STUM: variants seen among roughly 807,000 people sequenced by gnomAD.
STUM encodes the protein protein stum homolog.
A neutral mutation model predicts 15.3 loss-of-function variants in STUM; 8 were observed. The observed-to-expected ratio is 0.52, with a 90% CI of 0.31 to 0.94. STUM has a LOEUF of 0.94. Ranked by LOEUF, STUM falls within the 40% of genes least tolerant of loss-of-function variation. STUM has a pLI of 0.05. For synonymous variants in STUM, 78 were observed against 88.7 expected (o/e 0.88, Z 0.68); for missense variants, 142 against 204.9 (o/e 0.69, Z 1.87).
chr1:226,593,987 A>G (rs1330190570), intron 1 of STUM, among the ~76,000 whole-genome samples: 3 of 152,196 alleles, frequency 2.0e-5, no homozygotes, highest in Admixed American at 1.3e-4. Flanking sequence ...TTTGAATGCC[A>G]CAGGCCACCT....
At chr1:226,593,467 A>G (rs1378742066) in intron 1 of STUM, among the ~76,000 whole-genome samples, 1 of 151,970 alleles carries the variant, frequency 6.6e-6, no homozygotes, top group Non-Finnish European at 1.5e-5. Flanking sequence ...CAGCTCCATC[A>G]CTTTTACCCT....
chr1:226,598,362 C>T (rs1303755295), intron 2 of STUM, among the ~76,000 whole-genome samples: 1 of 152,146 alleles, frequency 6.6e-6, no homozygotes, highest in Non-Finnish European at 1.5e-5. Flanking sequence ...CTTACTGGCT[C>T]ATCTTCTCTC....
At chr1:226,590,447 G>A (rs535853154) in intron 1 of STUM, among the ~76,000 whole-genome samples, 21 of 152,100 alleles carry the variant, frequency 1.4e-4, no homozygotes, top group Non-Finnish European at 2.6e-4. Context: ...CCTGTTTCTG[G>A]GACGCCCTCC....
At chr1:226,551,615 G>A (rs987420095) in intron 1 of STUM, among the ~76,000 whole-genome samples, 3 of 152,258 alleles carry the variant, frequency 2.0e-5, no homozygotes, top group African/African-American at 7.2e-5. Context: ...ATTCATGGCT[G>A]ATTCTGCTCT....
At chr1:226,556,109 A>G (rs1195843149) in intron 1 of STUM, among the ~76,000 whole-genome samples, 2 of 152,198 alleles carry the variant, frequency 1.3e-5, no homozygotes, top group African/African-American at 4.8e-5. Flanking sequence ...TTTGAAGTGG[A>G]TGTGTTAACA....
rs41307712 is a variant in STUM at position 226,605,753 on chromosome 1, C to T, written c.*3713C>T. ...GCCTCCACCCTGCCCCACAAGGCTC[C>T]GTACTCCCACCTGCCTGGGCAGCCC... On this transcript the variant is annotated 3_prime_UTR_variant, in exon 4 of 4. Coordinates refer to ENST00000366788, the MANE Select transcript of STUM (RefSeq NM_001003665.4). This position sits in a 1 kb window ranked among gnomAD's most constrained non-coding sequence, Gnocchi z 4.0. 5,468 of 152,566 alleles carry T rather than the reference C, an allele frequency of 0.036. 145 individuals are homozygous for T. The highest frequency in any genetic ancestry group is 0.093 in the Middle Eastern group (28 of 300). The allele number at this position is 152,566 out of a possible 1,614,324, so 9.5% of individuals were successfully genotyped here. A position where few individuals can be genotyped will look rare whatever the true frequency, so the allele number is the denominator to read the frequency against.
intron 1 of STUM, among the ~76,000 whole-genome samples, chr1:226,592,295 G>T (rs982336703): frequency 6.6e-6 from 1 of 152,194 alleles, no homozygotes; most frequent in Non-Finnish European, 1.5e-5. Context: ...TGATCCACCT[G>T]CCATGGCCTC....
chr1:226,581,305 C>T (rs536408865), intron 1 of STUM, among the ~76,000 whole-genome samples: 1 of 152,330 alleles, frequency 6.6e-6, no homozygotes, highest in South Asian at 2.1e-4. Flanking sequence ...ACTCACTGGG[C>T]AATGAATATT....
intron 1 of STUM, among the ~76,000 whole-genome samples, chr1:226,558,831 T>C (rs1667492523): frequency 6.6e-6 from 1 of 152,212 alleles, no homozygotes; most frequent in Non-Finnish European, 1.5e-5. Flanking sequence ...ACATACTTGG[T>C]GGTGGTTTAT....
At chr1:226,550,213 C>G (rs1215647417) in intron 1 of STUM, among the ~76,000 whole-genome samples, 1 of 152,196 alleles carries the variant, frequency 6.6e-6, no homozygotes, top group East Asian at 1.9e-4. Flanking sequence ...ACGGTCTCCT[C>G]GCTCTTCGCC....
rs1020107258 is a variant in STUM, at chr1:226,600,406, T to G, written c.383-260T>G. Reference sequence around the variant, plus strand: ...CCCTGGCAGTGTGAGAGCCCCTCGCTGTGCCCCTAGCCACACCCACACGCC... The same window carrying G: ...CCCTGGCAGTGTGAGAGCCCCTCGCGGTGCCCCTAGCCACACCCACACGCC... On this transcript the variant is annotated intron_variant, in intron 2 of 3. Transcript: ENST00000366788. The surrounding 1 kb of genome is among the most constrained non-coding windows in gnomAD (Gnocchi z 5.2). Among the ~76,000 whole-genome samples the G allele has an allele frequency of 6.6e-6, 1 of 152,214 alleles. No homozygotes were observed. Among genetic ancestry groups the G allele is most frequent in the African/African-American group, 2.4e-5 (1 of 41,458 alleles).
At chr1:226,592,470 C>T (rs1457892707) in intron 1 of STUM, among the ~76,000 whole-genome samples, 1 of 152,212 alleles carries the variant, frequency 6.6e-6, no homozygotes, top group Non-Finnish European at 1.5e-5. Context: ...TTTAGCCTGT[C>T]TGAGCCTCAG....
chr1:226,582,426 G>T (rs541384699), intron 1 of STUM, among the ~76,000 whole-genome samples: 1 of 152,122 alleles, frequency 6.6e-6, no homozygotes, highest in African/African-American at 2.4e-5. Flanking sequence ...GACCCCATCT[G>T]TACTAAAAAG....
At chr1:226,557,583 C>G (rs371795053) in intron 1 of STUM, among the ~76,000 whole-genome samples, 1 of 152,156 alleles carries the variant, frequency 6.6e-6, no homozygotes, top group Non-Finnish European at 1.5e-5. Flanking sequence ...TCCTATAATT[C>G]GCATTCTCAC....
chr1:226,608,168 AAGG>A lies in STUM; in HGVS notation c.*6131_*6133del, dbSNP rs1668391452. The A allele has an allele frequency of 1.3e-5, 2 of 152,352 alleles. No individual in the cohort carries two copies. The highest frequency in any genetic ancestry group is 4.8e-5 in the African/African-American group (2 of 41,450). 9.4% of individuals were successfully genotyped at this position (152,352 alleles called of 1,614,324 possible). On this transcript the variant is annotated 3_prime_UTR_variant, in exon 4 of 4. Transcript: ENST00000366788. The surrounding 1 kb of genome is among the most constrained non-coding windows in gnomAD (Gnocchi z 4.0). ...CAACCCCAGCTTGGCCTCCTGTGGG[AAGG>A]AGAAGGCAGACCTGCCCAGAGGAGA... is the stretch of plus-strand genomic sequence containing the variant.
rs182731293 is a variant in STUM at position 226,558,202 on chromosome 1, G to A, written c.202+9096G>A. Reference sequence around the variant, plus strand: ...AGGAAGAAGTGAAATTGTCATTGCTGATGACATAATCCTATATATAGAAAA... The same window carrying A: ...AGGAAGAAGTGAAATTGTCATTGCTAATGACATAATCCTATATATAGAAAA... On this transcript the variant is annotated intron_variant, in intron 1 of 3. Transcript: ENST00000366788. Among the ~76,000 whole-genome samples the A allele has an allele frequency of 1.1e-4, 17 of 152,292 alleles. No individual in the cohort carries two copies. In the East Asian group the frequency reaches 2.5e-3, roughly 22 times the overall value.
chr1:226,568,559 G>A (rs1482627506), intron 1 of STUM, among the ~76,000 whole-genome samples: 1 of 152,254 alleles, frequency 6.6e-6, no homozygotes, highest in East Asian at 1.9e-4. Context: ...AAAGTTTAAA[G>A]CATCAGTAGC....
chr1:226,563,494 C>T (rs1667573939), intron 1 of STUM, among the ~76,000 whole-genome samples: 1 of 152,224 alleles, frequency 6.6e-6, no homozygotes, highest in Non-Finnish European at 1.5e-5. Context: ...TGAACTAACT[C>T]AGTTAAAGTG....
chr1:226,582,212 C>G (rs10916010), intron 1 of STUM, among the ~76,000 whole-genome samples: 2 of 152,240 alleles, frequency 1.3e-5, no homozygotes, highest in African/African-American at 4.8e-5. Context: ...ATTGGGATGA[C>G]TGGTTTTAAT....
Sources: allele counts gnomAD v4.1 joint callset (sites outside exome capture counted in the v4.1 genomes callset), GRCh38; gene constraint gnomAD v4.1.1; non-coding constraint Gnocchi (gnomAD v3.1); transcripts MANE v1.5; gene names NCBI Gene and HGNC (gene_info 2026-07-23, HGNC 2026-07-21).